Variants in NKAIN2 observed in about 807,000 individuals in gnomAD.
The protein encoded by NKAIN2 is sodium/potassium transporting ATPase interacting 2.
Under a neutral mutation model 32.6 loss-of-function variants are expected in NKAIN2, and 14 were observed. That is an observed-to-expected ratio of 0.43 (90% CI 0.28 to 0.67). NKAIN2 has a LOEUF of 0.67. Ranked by LOEUF, NKAIN2 falls within the 30% of genes least tolerant of loss-of-function variation. The probability of loss-of-function intolerance (pLI) is 0.17; values close to 1 mark genes in which losing one functional copy is unlikely to be tolerated. For missense variants in NKAIN2, 198 were observed against 258.3 expected (o/e 0.77, Z 1.60); for synonymous variants, 80 against 87.2 (o/e 0.92, Z 0.46).
intron 2 of NKAIN2, among the ~76,000 whole-genome samples, chr6:124,320,869 C>G (rs1451812377): frequency 6.6e-6 from 1 of 152,116 alleles, no homozygotes. Context: ...CTTTTATAAA[C>G]CATAATTACT....
At chr6:124,235,749 T>A (rs905948169) in intron 1 of NKAIN2, among the ~76,000 whole-genome samples, 2 of 151,460 alleles carry the variant, frequency 1.3e-5, no homozygotes, top group Non-Finnish European at 3.0e-5. Flanking sequence ...CAGGCACCCG[T>A]GACCACTCCC....
intron 1 of NKAIN2, among the ~76,000 whole-genome samples, chr6:124,197,825 A>G (rs1790387966): frequency 7.0e-6 from 1 of 142,376 alleles, no homozygotes; most frequent in South Asian, 2.2e-4. Flanking sequence ...TTCAGAGTAT[A>G]ACCTGTGTCT....
chr6:124,824,996 T>G lies in NKAIN2; in HGVS notation c.*1767T>G, dbSNP rs1582587823. 1 of 152,742 alleles carries G rather than the reference T, an allele frequency of 6.5e-6. No homozygotes were observed. The highest frequency in any genetic ancestry group is 2.1e-4 in the South Asian group (1 of 4,828). 9.5% of individuals were successfully genotyped at this position (152,742 alleles called of 1,614,324 possible). A position where few individuals can be genotyped will look rare whatever the true frequency, so the allele number is the denominator to read the frequency against. On this transcript the variant is annotated 3_prime_UTR_variant, in exon 7 of 7. Transcript: ENST00000368417. ...CCTCAGTGGGTTGTATGTTTGTCCA[T>G]ACATACATGTATAAAATAAACAATT...
At chr6:124,173,832 T>C (rs1001388844) in intron 1 of NKAIN2, among the ~76,000 whole-genome samples, 1 of 152,086 alleles carries the variant, frequency 6.6e-6, no homozygotes, top group Non-Finnish European at 1.5e-5. Context: ...ACTTAGTGGA[T>C]GGTTCTTATT....
At chr6:124,054,930 C>T (rs1485858879) in intron 1 of NKAIN2, among the ~76,000 whole-genome samples, 1 of 151,892 alleles carries the variant, frequency 6.6e-6, no homozygotes, top group Non-Finnish European at 1.5e-5. Context: ...TATATAATGA[C>T]CAAAGAATTT....
rs555870765 is a variant in NKAIN2 at position 123,900,427 on chromosome 6, C to T, written c.54+96173C>T. On this transcript the variant is annotated intron_variant, in intron 1 of 6. Coordinates refer to ENST00000368417, the MANE Select transcript of NKAIN2 (RefSeq NM_001040214.3). ...GGCGGAGGTTGCAGTGAGCCAAGAT[C>T]GCGCCACTCTACTCCAGCCTGGTGA... Among the ~76,000 whole-genome samples, 169 of 151,108 alleles carry T rather than the reference C, an allele frequency of 1.1e-3. 1 individual carries two copies. Among genetic ancestry groups the T allele is most frequent in the African/African-American group, 3.7e-3 (154 of 41,184 alleles).
chr6:124,278,093 T>G (rs970289664), intron 1 of NKAIN2, among the ~76,000 whole-genome samples: 2 of 152,162 alleles, frequency 1.3e-5, no homozygotes, highest in Non-Finnish European at 1.5e-5. Flanking sequence ...ATTACAGGTC[T>G]TACCAGTTGA....
intron 2 of NKAIN2, among the ~76,000 whole-genome samples, chr6:124,313,163 A>T (rs960382351): frequency 6.6e-6 from 1 of 152,040 alleles, no homozygotes; most frequent in Non-Finnish European, 1.5e-5. Context: ...AAACAGAAAA[A>T]TTTTCCTTCA....
Position 124,658,404 on chromosome 6 carries a change from A to G in NKAIN2, c.474+18A>G, listed in dbSNP as rs768021157. On this transcript the variant is annotated intron_variant, in intron 4 of 6. Coordinates refer to ENST00000368417, the MANE Select transcript of NKAIN2 (RefSeq NM_001040214.3). ...TCCTCGCAGTAAGTGTTGGCAGCCA[A>G]CCGCTCCTTCTAGTGCCTCTGGGGT... is the stretch of plus-strand genomic sequence containing the variant. 6 of 1,614,066 alleles carry G rather than the reference A, an allele frequency of 3.7e-6. No homozygotes were observed. Among genetic ancestry groups the G allele is most frequent in the South Asian group, 1.1e-5 (1 of 91,068 alleles).
intron 1 of NKAIN2, among the ~76,000 whole-genome samples, chr6:124,259,141 C>G (rs534033367): frequency 3.9e-5 from 6 of 152,244 alleles, no homozygotes; most frequent in African/African-American, 1.4e-4. Flanking sequence ...GGTCTACTGG[C>G]CTTTTGTTGA....
At chr6:124,715,854 C>A (rs1775726666) in intron 4 of NKAIN2, among the ~76,000 whole-genome samples, 1 of 152,148 alleles carries the variant, frequency 6.6e-6, no homozygotes, top group African/African-American at 2.4e-5. Context: ...TGCTCTAGTG[C>A]CATTTTTTGG....
At chr6:124,320,672 T>C (rs566298852) in intron 2 of NKAIN2, among the ~76,000 whole-genome samples, 1 of 152,334 alleles carries the variant, frequency 6.6e-6, no homozygotes, top group East Asian at 1.9e-4. Context: ...GTTATGAGAA[T>C]AAATACTTAG....
At chr6:124,366,948 A>G (rs898885968) in intron 3 of NKAIN2, among the ~76,000 whole-genome samples, 2 of 151,768 alleles carry the variant, frequency 1.3e-5, no homozygotes, top group South Asian at 2.1e-4. Flanking sequence ...AAAAAAAGTA[A>G]TAAGAATTTT....
At chr6:123,807,599 T>G (rs545451064) in intron 1 of NKAIN2, among the ~76,000 whole-genome samples, 135 of 152,188 alleles carry the variant, frequency 8.9e-4, no homozygotes, top group Non-Finnish European at 1.5e-3. Context: ...TGAATCAGAG[T>G]TCTTTTATAA....
chr6:124,344,671 C>T (rs1188264093), intron 2 of NKAIN2, among the ~76,000 whole-genome samples: 4 of 152,214 alleles, frequency 2.6e-5, no homozygotes, highest in South Asian at 4.2e-4. Context: ...GTGATTTTTG[C>T]ACATTTATTT....
chr6:124,242,431 T>C (rs553276424), intron 1 of NKAIN2, among the ~76,000 whole-genome samples: 27 of 152,212 alleles, frequency 1.8e-4, no homozygotes, highest in African/African-American at 6.5e-4. Context: ...TAGGAATGCT[T>C]TTATGCTGTT....
intron 1 of NKAIN2, among the ~76,000 whole-genome samples, chr6:124,075,383 C>T (rs527654294): frequency 6.6e-6 from 1 of 152,250 alleles, no homozygotes; most frequent in Non-Finnish European, 1.5e-5. Flanking sequence ...AGCATGATAT[C>T]TTAATTGACA....
At chr6:124,732,947 TA>T (rs1328672712) in intron 4 of NKAIN2, among the ~76,000 whole-genome samples, 1 of 151,864 alleles carries the variant, frequency 6.6e-6, no homozygotes, top group East Asian at 1.9e-4. Context: ...GGTGAATGGA[TA>T]AATAAACCGT....
chr6:124,732,535 A>G (rs536730254), intron 4 of NKAIN2, among the ~76,000 whole-genome samples: 2 of 152,150 alleles, frequency 1.3e-5, no homozygotes, highest in Admixed American at 6.6e-5. Context: ...GGTTTATATC[A>G]TTACTCTCCA....
Sources: allele counts gnomAD v4.1 joint callset (sites outside exome capture counted in the v4.1 genomes callset), GRCh38; gene constraint gnomAD v4.1.1; transcripts MANE v1.5; gene names NCBI Gene and HGNC (gene_info 2026-07-23, HGNC 2026-07-21).